The following KCNQ3 variants were observed in gnomAD, a reference collection of about 807,000 sequenced individuals.
KCNQ3 encodes the protein potassium voltage-gated channel subfamily Q member 3, also known as potassium voltage-gated channel subfamily KQT member 3.
A neutral mutation model predicts 92.5 loss-of-function variants in KCNQ3; 30 were observed. That is an observed-to-expected ratio of 0.32 (90% CI 0.24 to 0.44). The LOEUF is 0.44. Among genes scored for constraint, KCNQ3 ranks in the 20% least tolerant of loss-of-function variants. The pLI is 1.00. For missense variants in KCNQ3, 913 were observed against 1,140.3 expected (o/e 0.80, Z 2.87); for synonymous variants, 450 against 468.8 (o/e 0.96, Z 0.52).
chr8:132,321,665 A>C (rs1817895681), intron 1 of KCNQ3: 1 of 152,158 alleles, frequency 6.6e-6, no homozygotes, highest in African/African-American at 2.4e-5. Context: ...CTAGTTTCCT[A>C]ACCACATTTT....
chr8:132,282,418 C>A (rs1274970447), intron 1 of KCNQ3, among the ~76,000 whole-genome samples: 2 of 152,112 alleles, frequency 1.3e-5, no homozygotes, highest in African/African-American at 4.8e-5. Context: ...GTTCCCAGTC[C>A]CATCTGTCCC....
intron 1 of KCNQ3, among the ~76,000 whole-genome samples, chr8:132,217,439 G>A (rs892011065): frequency 1.3e-5 from 2 of 152,100 alleles, no homozygotes; most frequent in East Asian, 1.9e-4. Flanking sequence ...GGCCGGACAC[G>A]GTGGCTCACG....
At chr8:132,476,048 C>T (rs1213283828) in intron 1 of KCNQ3, among the ~76,000 whole-genome samples, 4 of 152,242 alleles carry the variant, frequency 2.6e-5, no homozygotes, top group Non-Finnish European at 4.4e-5. Flanking sequence ...CAGCTCAGCC[C>T]ATTGCTTCAG....
intron 1 of KCNQ3, among the ~76,000 whole-genome samples, chr8:132,249,653 G>A (rs531685299): frequency 1.2e-4 from 18 of 152,330 alleles, no homozygotes; most frequent in South Asian, 6.2e-4. Context: ...CACGCCGTGC[G>A]CCTGCACACC....
chr8:132,294,542 C>G (rs1237512067), intron 1 of KCNQ3, among the ~76,000 whole-genome samples: 1 of 152,150 alleles, frequency 6.6e-6, no homozygotes, highest in East Asian at 1.9e-4. Context: ...TGGGGCTAAA[C>G]CTGGGAGATT....
At chr8:132,238,293 C>T (rs1814880447) in intron 1 of KCNQ3, among the ~76,000 whole-genome samples, 1 of 152,022 alleles carries the variant, frequency 6.6e-6, no homozygotes, top group Non-Finnish European at 1.5e-5. Context: ...AAAAGTTGGC[C>T]TATGTGGTCT....
At chr8:132,138,067 AG>A (rs1455810440) in intron 11 of KCNQ3, 51 bp from the exon 12 acceptor site, 1 of 1,594,446 alleles carries the variant, frequency 6.3e-7, no homozygotes, top group East Asian at 2.2e-5. Flanking sequence ...GAGTGCGGGG[AG>A]CTATAACAGA....
At chr8:132,366,207 T>A (rs550581850) in intron 1 of KCNQ3, among the ~76,000 whole-genome samples, 1 of 152,342 alleles carries the variant, frequency 6.6e-6, no homozygotes, top group Non-Finnish European at 1.5e-5. Context: ...ACATTTTTAG[T>A]TAAGTTTATC....
At chr8:132,305,727 T>C (rs1016301995) in intron 1 of KCNQ3, among the ~76,000 whole-genome samples, 1 of 152,018 alleles carries the variant, frequency 6.6e-6, no homozygotes, top group African/African-American at 2.4e-5. Flanking sequence ...TCCAACAACA[T>C]ATCTTCCTCC....
intron 1 of KCNQ3, among the ~76,000 whole-genome samples, chr8:132,449,339 C>T (rs1821767296): frequency 6.6e-6 from 1 of 151,968 alleles, no homozygotes; most frequent in African/African-American, 2.4e-5. Context: ...ACCCAGTGGC[C>T]ACAGGATCGG....
intron 1 of KCNQ3, among the ~76,000 whole-genome samples, chr8:132,260,169 T>G (rs1453444296): frequency 1.3e-5 from 2 of 152,204 alleles, no homozygotes; most frequent in Non-Finnish European, 2.9e-5. Context: ...TCGATTTGTA[T>G]TCTCAGTTTT....
chr8:132,247,344 G>C (rs1815213607), intron 1 of KCNQ3, among the ~76,000 whole-genome samples: 1 of 152,178 alleles, frequency 6.6e-6, no homozygotes, highest in Non-Finnish European at 1.5e-5. Flanking sequence ...CAAAGAGGCA[G>C]AGTGACTCAT....
intron 1 of KCNQ3, among the ~76,000 whole-genome samples, chr8:132,300,611 G>T (rs1489930098): frequency 6.6e-6 from 1 of 152,180 alleles, no homozygotes; most frequent in Non-Finnish European, 1.5e-5. Flanking sequence ...CAGAAGGAGG[G>T]TGTGTCTCAT....
rs1563890519 is a variant in KCNQ3 at position 132,388,037 on chromosome 8, AAGAGGAAGAAGAAGAAGAAG to A, written c.386+92090_386+92109del. 2.1e-4 allele frequency among the ~76,000 whole-genome samples: 32 copies of A among 151,526 alleles called. No individual in the cohort carries two copies. In the Middle Eastern group the frequency reaches 0.01, roughly 48 times the overall value. The stretch of plus-strand genomic sequence containing the variant: ...GAGGAAGAGGAAGAAGAAGAAGAGG[AAGAGGAAGAAGAAGAAGAAG>A]AGAAGAAGAAGAAGAAACATAAAGG... On this transcript the variant is annotated intron_variant, in intron 1 of 14. Coordinates refer to ENST00000388996, the MANE Select transcript of KCNQ3 (RefSeq NM_004519.4).
chr8:132,311,878 G>A (rs938692580), intron 1 of KCNQ3, among the ~76,000 whole-genome samples: 3 of 152,100 alleles, frequency 2.0e-5, no homozygotes, highest in Admixed American at 6.6e-5. Context: ...TTGGAAAGAG[G>A]GTCTTTTTAG....
intron 1 of KCNQ3, among the ~76,000 whole-genome samples, chr8:132,447,842 CATTTTTA>C (rs1168165613): frequency 6.6e-6 from 1 of 152,138 alleles, no homozygotes; most frequent in Non-Finnish European, 1.5e-5. Flanking sequence ...TAATTGAAAG[CATTTTTA>C]AGAGATGGAA....
At chr8:132,221,200 T>G (rs924207720) in intron 1 of KCNQ3, among the ~76,000 whole-genome samples, 2 of 152,256 alleles carry the variant, frequency 1.3e-5, no homozygotes, top group African/African-American at 4.8e-5. Flanking sequence ...CCACATTTTC[T>G]TAATCCAGTC....
chr8:132,453,120 AG>A (rs1821859661), intron 1 of KCNQ3, among the ~76,000 whole-genome samples: 1 of 152,180 alleles, frequency 6.6e-6, no homozygotes, highest in African/African-American at 2.4e-5. Context: ...CAGGGGAGGC[AG>A]GACCTTGGAT....
rs546958236 is a variant in KCNQ3 at position 132,434,207 on chromosome 8, CAAAAAAAAA to C, written c.386+45931_386+45939del. On this transcript the variant is annotated intron_variant, in intron 1 of 14. Coordinates refer to ENST00000388996, the MANE Select transcript of KCNQ3 (RefSeq NM_004519.4). Reference sequence around the variant, plus strand: ...TGGGTGACAGAGCGAGACTCCGTCTCAAAAAAAAAAAAAAAAAAAATAATAATAATAATA... The same window carrying C: ...TGGGTGACAGAGCGAGACTCCGTCTCAAAAAAAAAAATAATAATAATAATA... Among the ~76,000 whole-genome samples the C allele has an allele frequency of 6.3e-4, 82 of 130,750 alleles. 1 individual carries two copies. Among genetic ancestry groups the C allele is most frequent in the Admixed American group, 5.7e-3 (73 of 12,754 alleles). 85.8% of individuals were successfully genotyped at this position (130,750 alleles called of 152,430 possible). A position where few individuals can be genotyped will look rare whatever the true frequency, so the allele number is the denominator to read the frequency against.
Sources: gnomAD v4.1 joint callset for allele counts (sites outside exome capture counted in the v4.1 genomes callset) on GRCh38, gnomAD v4.1.1 for gene constraint, MANE v1.5 for transcripts, NCBI Gene and HGNC (gene_info 2026-07-23, HGNC 2026-07-21) for gene names.